The following IL3RA variants were observed in gnomAD, a reference collection of about 807,000 sequenced individuals.
The protein encoded by IL3RA is interleukin-3 receptor subunit alpha.
IL3RA carries 73 observed loss-of-function variants against 52.3 expected under a neutral mutation model. The ratio of observed to expected loss-of-function variants is 1.40; its 90% confidence interval spans 1.16 to 1.70. The LOEUF (loss-of-function observed/expected upper bound fraction) is 1.70, where lower values mean the gene tolerates loss of function less well. Among genes scored for constraint, IL3RA ranks in the 40% most tolerant of loss-of-function variants. The probability of loss-of-function intolerance (pLI) is 0.00; values close to 1 mark genes in which losing one functional copy is unlikely to be tolerated. For synonymous variants in IL3RA, 260 were observed against 194.0 expected (o/e 1.34, Z -2.83); for missense variants, 664 against 504.4 (o/e 1.32, Z -3.03).
intron 1 of IL3RA, among the ~76,000 whole-genome samples, chrX:1,339,056 T>C (rs1159529767): frequency 6.6e-6 from 1 of 152,084 alleles, no homozygotes; most frequent in East Asian, 1.9e-4. Flanking sequence ...GTCAGGCTGG[T>C]CTCGAACTCC....
chrX:1,345,451 A>C lies in IL3RA; in HGVS notation c.183+17A>C, dbSNP rs1927918652. On this transcript the variant is annotated intron_variant, in intron 3 of 11. Coordinates refer to ENST00000331035, the MANE Select transcript of IL3RA (RefSeq NM_002183.4). Reference sequence around the variant, plus strand: ...TCTATGCCGGTAAATCATACTCTCTATTGTTTTTTTATTTTTATTTTATTT... The same window carrying C: ...TCTATGCCGGTAAATCATACTCTCTCTTGTTTTTTTATTTTTATTTTATTT... 3.5e-6 allele frequency: 5 copies of C among 1,416,770 alleles called. No homozygotes were observed. The highest frequency in any genetic ancestry group is 3.8e-6 in the Non-Finnish European group (4 of 1,041,436). The allele number at this position is 1,416,770 out of a possible 1,614,324, so 87.8% of individuals were successfully genotyped here. A position where few individuals can be genotyped will look rare whatever the true frequency, so the allele number is the denominator to read the frequency against.
intron 2 of IL3RA, among the ~76,000 whole-genome samples, chrX:1,342,621 C>T (rs1313729206): frequency 8.5e-5 from 12 of 141,762 alleles, no homozygotes; most frequent in African/African-American, 2.9e-4. Flanking sequence ...AGTGTAATAG[C>T]GTGACCATGG....
At chrX:1,361,838 AC>A (rs1235528594) in intron 8 of IL3RA, among the ~76,000 whole-genome samples, 1 of 150,804 alleles carries the variant, frequency 6.6e-6, no homozygotes, top group Admixed American at 6.6e-5. Flanking sequence ...CTTATTCACT[AC>A]CCCGAGAACA....
chrX:1,382,510 C>T lies in IL3RA; in HGVS notation c.*45C>T, dbSNP rs1304653057. The T allele has an allele frequency of 6.3e-7, 1 of 1,576,018 alleles. No homozygotes were observed. Among genetic ancestry groups the T allele is most frequent in the African/African-American group, 1.3e-5 (1 of 74,270 alleles). On this transcript the variant is annotated 3_prime_UTR_variant, in exon 12 of 12. Coordinates refer to ENST00000331035, the MANE Select transcript of IL3RA (RefSeq NM_002183.4). ...TGGGGGTCTGCCTCAATCTCCCTGG[C>T]CGGGCCAGGCGCCTGCACAGACTGG...
intron 7 of IL3RA, among the ~76,000 whole-genome samples, chrX:1,358,591 G>A (rs1293774133): frequency 3.9e-5 from 6 of 152,300 alleles, no homozygotes; most frequent in Middle Eastern, 3.4e-3. Flanking sequence ...TCCGGGAGGC[G>A]GAGGTTGCAG....
chrX:1,339,637 G>T (rs138461463), intron 1 of IL3RA, among the ~76,000 whole-genome samples: 1 of 151,940 alleles, frequency 6.6e-6, no homozygotes, highest in Admixed American at 6.6e-5. Context: ...ACTAAAAATA[G>T]AAAAATTAGC....
intron 1 of IL3RA, among the ~76,000 whole-genome samples, chrX:1,339,019 TGTATGTTTA>T (rs1200997899): frequency 7.9e-5 from 12 of 152,110 alleles, no homozygotes; most frequent in African/African-American, 2.7e-4. Flanking sequence ...GTAGAGATTT[TGTATGTTTA>T]GTATGTTTTG....
At chrX:1,349,924 T>C (rs1340044691) in intron 4 of IL3RA, among the ~76,000 whole-genome samples, 1 of 151,822 alleles carries the variant, frequency 6.6e-6, no homozygotes, top group Admixed American at 6.6e-5. Flanking sequence ...AGTGCTGGGA[T>C]GACAGGCGGG....
chrX:1,377,138 G>C (rs1471059113), intron 9 of IL3RA, among the ~76,000 whole-genome samples: 1 of 152,188 alleles, frequency 6.6e-6, no homozygotes, highest in Non-Finnish European at 1.5e-5. Context: ...CCAGGAGAGA[G>C]GCCTCAGGAG....
intron 3 of IL3RA, among the ~76,000 whole-genome samples, chrX:1,347,479 A>C (rs181707485): frequency 7.3e-5 from 11 of 151,522 alleles, no homozygotes; most frequent in Non-Finnish European, 1.3e-4. Context: ...AAAACGAAGA[A>C]TATACAAGTA....
chrX:1,346,697 T>C (rs1471777917), intron 3 of IL3RA, among the ~76,000 whole-genome samples: 4 of 151,376 alleles, frequency 2.6e-5, no homozygotes, highest in Non-Finnish European at 5.9e-5. Flanking sequence ...AAATCCCCCA[T>C]CTTGTCATCA....
intron 11 of IL3RA, among the ~76,000 whole-genome samples, chrX:1,381,727 A>G (rs1449761925): frequency 2.0e-5 from 3 of 150,664 alleles, no homozygotes; most frequent in Non-Finnish European, 4.4e-5. Context: ...TATTTTTAGT[A>G]GAGACGGGGT....
At chrX:1,380,903 G>A (rs774802472) in intron 10 of IL3RA, 120 bp from the exon 11 acceptor site, 18 of 822,422 alleles carry the variant, frequency 2.2e-5, no homozygotes, top group Middle Eastern at 2.4e-4. Context: ...GAGACCCCTC[G>A]AGTAGATGAC....
intron 8 of IL3RA, among the ~76,000 whole-genome samples, chrX:1,364,401 G>C (rs2087746105): frequency 6.6e-6 from 1 of 152,026 alleles, no homozygotes; most frequent in Admixed American, 6.6e-5. Context: ...TGAGGCAGGA[G>C]AATCGCTTGA....
rs1304493276 is a variant in IL3RA, at chrX:1,345,451, ATTGTT to A, written c.183+20_183+24del. The A allele has an allele frequency of 1.4e-6, 2 of 1,416,652 alleles. No homozygotes were observed. The highest frequency in any genetic ancestry group is 1.5e-5 in the African/African-American group (1 of 68,292). 87.8% of individuals were successfully genotyped at this position (1,416,652 alleles called of 1,614,324 possible). On this transcript the variant is annotated intron_variant, in intron 3 of 11. Transcript: ENST00000331035. ...TCTATGCCGGTAAATCATACTCTCT[ATTGTT>A]TTTTTATTTTTATTTTATTTATTTA...
At chrX:1,343,687 A>G in intron 2 of IL3RA, among the ~76,000 whole-genome samples, 1 of 147,684 alleles carries the variant, frequency 6.8e-6, no homozygotes, top group South Asian at 2.2e-4. Context: ...AAAAAAAAAG[A>G]ATATTGCCTT....
At chrX:1,367,554 C>A (rs1277844956) in intron 9 of IL3RA, among the ~76,000 whole-genome samples, 1 of 87,092 alleles carries the variant, frequency 1.1e-5, no homozygotes. Flanking sequence ...GAGCCGGGTG[C>A]GCGGGGTGCG....
intron 6 of IL3RA, among the ~76,000 whole-genome samples, chrX:1,353,976 A>ATCATGGGTCATGGGACCCC (rs2086397342): frequency 2.6e-5 from 1 of 37,772 alleles, no homozygotes; most frequent in African/African-American, 1.1e-4. Flanking sequence ...TGGGACCCCC[A>ATCATGGGTCATGGGACCCC]CCCCCATCAT....
At chrX:1,348,770 TTC>T (rs1478425982) in intron 4 of IL3RA, among the ~76,000 whole-genome samples, 18 of 148,884 alleles carry the variant, frequency 1.2e-4, no homozygotes, top group South Asian at 8.6e-4. Context: ...TTTCTTTTCT[TTC>T]TCTTTCCCTC....
Sources: gnomAD v4.1 joint callset for allele counts (sites outside exome capture counted in the v4.1 genomes callset) on GRCh38, gnomAD v4.1.1 for gene constraint, MANE v1.5 for transcripts, NCBI Gene and HGNC (gene_info 2026-07-23, HGNC 2026-07-21) for gene names.